The following PATL1 variants were observed in gnomAD, a reference collection of about 807,000 sequenced individuals.
The protein encoded by PATL1 is protein PAT1 homolog 1.
PATL1 carries 32 observed loss-of-function variants against 100.6 expected under a neutral mutation model. The ratio of observed to expected loss-of-function variants is 0.32; its 90% CI spans 0.24 to 0.43. The LOEUF (loss-of-function observed/expected upper bound fraction) is 0.43, where lower values mean the gene tolerates loss of function less well. Ranked by LOEUF, PATL1 falls within the 20% of genes least tolerant of loss-of-function variation. The pLI is 1.00. For missense variants in PATL1, 747 were observed against 949.9 expected, an observed-to-expected ratio of 0.79 and a Z score of 2.81; for synonymous variants, 332 against 330.0, an observed-to-expected ratio of 1.01 and a Z score of -0.07.
chr11:59,643,051 A>G lies in PATL1; in HGVS notation c.1894-16T>C. The G allele has an allele frequency of 6.2e-7, 1 of 1,613,042 alleles. No individual in the cohort carries two copies. Among genetic ancestry groups the G allele is most frequent in the Non-Finnish European group, 8.5e-7 (1 of 1,179,358 alleles). The stretch of plus-strand genomic sequence containing the variant: ...ATGGCAGCACCTACAAAAAACAAAT[A>G]AAAGCATTATATCCTGGCACGTGTT... On this transcript the variant is annotated splice_polypyrimidine_tract_variant and intron_variant, in intron 15 of 18. Coordinates refer to ENST00000300146, the MANE Select transcript of PATL1 (RefSeq NM_152716.3).
At chr11:59,643,879 C>T (rs1861324838) in intron 15 of PATL1, among the ~76,000 whole-genome samples, 1 of 152,078 alleles carries the variant, frequency 6.6e-6, no homozygotes, top group South Asian at 2.1e-4. Flanking sequence ...GAATTCCAGC[C>T]TTCTAGTCAT....
intron 2 of PATL1, among the ~76,000 whole-genome samples, chr11:59,659,792 G>C (rs1162378222): frequency 6.6e-6 from 1 of 151,856 alleles, no homozygotes; most frequent in Admixed American, 6.6e-5. Context: ...CACCCATCTC[G>C]GCCTCCCAAA....
chr11:59,655,916 T>C (rs780040462), intron 7 of PATL1, 40 bp downstream of exon 7: 3 of 1,475,122 alleles, frequency 2.0e-6, no homozygotes, highest in Non-Finnish European at 2.8e-6. Flanking sequence ...TTTAGGAAAG[T>C]AGGAGAGTTC....
intron 2 of PATL1, 68 bp from the exon 3 acceptor site, chr11:59,659,537 GTT>G (rs764393639): frequency 4.6e-4 from 516 of 1,124,486 alleles, no homozygotes; most frequent in Non-Finnish European, 5.2e-4. Flanking sequence ...CACAATTATT[GTT>G]TTTTTTTTTT....
chr11:59,638,528 T>G (rs962696351), intron 18 of PATL1, 117 bp from the exon 19 acceptor site: 13 of 957,716 alleles, frequency 1.4e-5, no homozygotes, highest in Non-Finnish European at 2.0e-5. Context: ...CCGAGATTAT[T>G]TCTCTACCCT....
Position 59,656,506 on chromosome 11 carries a change from C to A in PATL1, c.716G>T (p.Ser239Ile). 6.2e-7 allele frequency: 1 copy of A among 1,613,400 alleles called. No individual in the cohort carries two copies. The highest frequency in any genetic ancestry group is 8.5e-7 in the Non-Finnish European group (1 of 1,179,380). Residue 239 changes from serine to isoleucine, a missense_variant, in exon 6 of 19, where the codon AGT becomes ATT. By Grantham distance (142) the Ser-to-Ile change is moderately radical (BLOSUM62 -2). This residue lies in a region of PATL1 where 127 missense variants were observed against 116.0 expected (regional missense o/e 1.09). Coordinates refer to ENST00000300146, the MANE Select transcript of PATL1 (RefSeq NM_152716.3). ...GERMSPNQLC[S>I]VPNSSLLGHP... ...AGGCTTAAAGTGACATACCGGGACA[C>A]TGCAGAGCTGGTTTGGAGACATCCT... is the stretch of plus-strand genomic sequence containing the variant.
chr11:59,643,908 T>C (rs1016038324), intron 15 of PATL1, among the ~76,000 whole-genome samples: 6 of 152,170 alleles, frequency 3.9e-5, no homozygotes, highest in Admixed American at 2.0e-4. Context: ...TTTTGTCATG[T>C]AGCCAACTGG....
chr11:59,661,064 C>T (rs1861618397), intron 2 of PATL1, among the ~76,000 whole-genome samples: 1 of 152,112 alleles, frequency 6.6e-6, no homozygotes, highest in Non-Finnish European at 1.5e-5. Context: ...GAAAGCTGTA[C>T]TCACAGTTTT....
At chr11:59,658,378 C>T (rs1298663115) in intron 4 of PATL1, among the ~76,000 whole-genome samples, 2 of 151,102 alleles carry the variant, frequency 1.3e-5, no homozygotes, top group African/African-American at 2.4e-5. Flanking sequence ...AGTGCAGTGG[C>T]GCAATCTTGC....
Position 59,656,607 on chromosome 11 carries a change from G to C in PATL1, c.622-7C>G, listed in dbSNP as rs763876598. ...CAGGCTTCGGACACAGAATCTATCA[G>C]GACAAACATATATACAACTACACTC... On this transcript the variant is annotated splice_polypyrimidine_tract_variant and splice_region_variant and intron_variant, in intron 5 of 18. Coordinates refer to ENST00000300146, the MANE Select transcript of PATL1 (RefSeq NM_152716.3). 6 of 1,610,112 alleles carry C rather than the reference G, an allele frequency of 3.7e-6. No homozygotes were observed. The Admixed American group carries it at 1.0e-4, about 27-fold the overall frequency.
intron 1 of PATL1, among the ~76,000 whole-genome samples, chr11:59,668,547 G>T (rs1485249031): frequency 6.6e-6 from 1 of 150,886 alleles, no homozygotes; most frequent in African/African-American, 2.4e-5. Flanking sequence ...CTTAAGAAAA[G>T]CACCCGGGGA....
chr11:59,647,388 C>T (rs1357175530), intron 15 of PATL1, among the ~76,000 whole-genome samples: 1 of 152,134 alleles, frequency 6.6e-6, no homozygotes, highest in African/African-American at 2.4e-5. Flanking sequence ...CTTCAGTGAA[C>T]ATCAGATTCA....
Position 59,652,880 on chromosome 11 carries a change from T to C in PATL1, c.1260A>G (p.Gln420=), listed in dbSNP as rs1861466434. 1.2e-6 allele frequency: 2 copies of C among 1,613,950 alleles called. No individual in the cohort carries two copies. The highest frequency in any genetic ancestry group is 1.1e-5 in the South Asian group (1 of 91,082). ...KDWVSKIQMM[Q]LQSTDPYLDD... ...CCAGGTAGGGATCAGTGCTTTGCAG[T>C]TGCATCATCTGGATTTTAGAGACCC... Residue 420 remains glutamine, a synonymous_variant, in exon 10 of 19, where the codon CAA becomes CAG. Transcript: ENST00000300146.
chr11:59,653,094 C>A, intron 9 of PATL1, 76 bp from the exon 10 acceptor site: 1 of 1,266,288 alleles, frequency 7.9e-7, no homozygotes. Context: ...ATAAACCAGG[C>A]CAGTTTTTTT....
intron 2 of PATL1, among the ~76,000 whole-genome samples, chr11:59,662,103 T>C (rs1861633929): frequency 6.6e-6 from 1 of 152,228 alleles, no homozygotes. Flanking sequence ...CACATAATAC[T>C]AGTGATCCAA....
At chr11:59,665,261 ATAATACTTT>A (rs1332853084) in intron 2 of PATL1, among the ~76,000 whole-genome samples, 1 of 152,238 alleles carries the variant, frequency 6.6e-6, no homozygotes, top group African/African-American at 2.4e-5. Flanking sequence ...AGTGACCATT[ATAATACTTT>A]AAGGCCTCTT....
chr11:59,660,472 T>C lies in PATL1; in HGVS notation c.128-1003A>G, dbSNP rs142162244. Among the ~76,000 whole-genome samples the C allele has an allele frequency of 6.4e-3, 982 of 152,298 alleles. 8 individuals are homozygous for C. The highest frequency in any genetic ancestry group is 0.021 in the African/African-American group (890 of 41,564). Reference sequence around the variant, plus strand: ...AATAGATGGTCAGAGGTAGGCCTCATTGAGAAGATGACATTTGAGCAAAGA... The same window carrying C: ...AATAGATGGTCAGAGGTAGGCCTCACTGAGAAGATGACATTTGAGCAAAGA... On this transcript the variant is annotated intron_variant, in intron 2 of 18. Transcript: ENST00000300146.
At chr11:59,652,638 T>C in intron 10 of PATL1, 51 bp from the exon 11 acceptor site, 1 of 1,591,332 alleles carries the variant, frequency 6.3e-7, no homozygotes, top group East Asian at 2.2e-5. Flanking sequence ...AACACGACTG[T>C]TGTTTACCAT....
At chr11:59,650,943 A>G (rs1861435538) in intron 12 of PATL1, 130 bp from the exon 13 acceptor site, 1 of 658,240 alleles carries the variant, frequency 1.5e-6, no homozygotes, top group Middle Eastern at 3.9e-4. Flanking sequence ...TTAATAATCT[A>G]AAACAACCCT....
Sources: allele counts gnomAD v4.1 joint callset (sites outside exome capture counted in the v4.1 genomes callset), GRCh38; gene constraint gnomAD v4.1.1; regional missense constraint gnomAD v4.1.1; transcripts MANE v1.5; gene names NCBI Gene and HGNC (gene_info 2026-07-23, HGNC 2026-07-21).